SMYD3: variants seen among roughly 807,000 people sequenced by gnomAD.
SMYD3 encodes the protein histone-lysine N-methyltransferase SMYD3.
Under a neutral mutation model 57.7 loss-of-function variants are expected in SMYD3, and 36 were observed. That is an observed-to-expected ratio of 0.62 (90% CI 0.48 to 0.82). The LOEUF (loss-of-function observed/expected upper bound fraction) is 0.82. SMYD3 is among the 40% of genes least tolerant of loss of function. SMYD3 has a pLI of 0.00. For missense variants in SMYD3, 515 were observed against 538.8 expected, an observed-to-expected ratio of 0.96 and a Z score of 0.44; for synonymous variants, 211 against 195.0, an observed-to-expected ratio of 1.08 and a Z score of -0.68.
At chr1:246,167,149 G>A (rs1457344263) in intron 5 of SMYD3, among the ~76,000 whole-genome samples, 1 of 152,222 alleles carries the variant, frequency 6.6e-6, no homozygotes, top group Non-Finnish European at 1.5e-5. Context: ...ATACTCGATT[G>A]TATGGATAGA....
At chr1:246,391,875 C>T (rs1022252489) in intron 1 of SMYD3, among the ~76,000 whole-genome samples, 29 of 152,310 alleles carry the variant, frequency 1.9e-4, no homozygotes, top group African/African-American at 6.7e-4. Flanking sequence ...TCCTATAAAT[C>T]TCATCTTACC....
At chr1:246,127,907 A>AAAAGAAAAGC (rs1242406986) in intron 5 of SMYD3, among the ~76,000 whole-genome samples, 2 of 151,774 alleles carry the variant, frequency 1.3e-5, no homozygotes, top group African/African-American at 4.8e-5. Flanking sequence ...AAAAGAAAAG[A>AAAAGAAAAGC]AAAGAAAAGA....
At chr1:246,317,985 G>T (rs182020645) in intron 5 of SMYD3, among the ~76,000 whole-genome samples, 2 of 152,158 alleles carry the variant, frequency 1.3e-5, no homozygotes, top group Non-Finnish European at 2.9e-5. Context: ...GTCTCTATGA[G>T]TCAGAGCTAT....
chr1:245,903,469 A>G (rs1420453681), intron 8 of SMYD3, among the ~76,000 whole-genome samples: 3 of 152,194 alleles, frequency 2.0e-5, no homozygotes, highest in Non-Finnish European at 1.5e-5. Flanking sequence ...CCCCACAAGG[A>G]CACCAAGTTA....
chr1:246,126,778 A>C (rs1302580306), intron 5 of SMYD3, among the ~76,000 whole-genome samples: 2 of 152,242 alleles, frequency 1.3e-5, no homozygotes, highest in African/African-American at 4.8e-5. Context: ...AAGTAGGTCC[A>C]AACATCTGAT....
At chr1:246,480,795 C>CT (rs1044631219) in intron 1 of SMYD3, among the ~76,000 whole-genome samples, 28 of 149,568 alleles carry the variant, frequency 1.9e-4, no homozygotes, top group African/African-American at 4.7e-4. Context: ...TTCAAAAGAT[C>CT]TTTTTTTTTT....
intron 2 of SMYD3, among the ~76,000 whole-genome samples, chr1:246,352,320 C>T (rs55716893): frequency 4.6e-5 from 7 of 152,170 alleles, no homozygotes; most frequent in African/African-American, 1.7e-4. Context: ...ATCATGTCCC[C>T]CTGGGGTATA....
intron 1 of SMYD3, among the ~76,000 whole-genome samples, chr1:246,487,756 G>A (rs547932588): frequency 3.4e-5 from 5 of 149,064 alleles, no homozygotes; most frequent in Admixed American, 1.3e-4. Flanking sequence ...GTGCAATGAC[G>A]CGACCTCAGC....
chr1:246,354,979 T>G lies in SMYD3; in HGVS notation c.228+52A>C, dbSNP rs1434443624. ...CCAACAGGTATAGTGAAGGACAAAT[T>G]TAAGAGTAAAGAATTTGAAAGCTTC... On this transcript the variant is annotated intron_variant, in intron 2 of 11. Coordinates refer to ENST00000490107, the MANE Select transcript of SMYD3 (RefSeq NM_001167740.2). The G allele has an allele frequency of 1.9e-6, 3 of 1,545,132 alleles. No homozygotes were observed. In the African/African-American group the frequency reaches 4.1e-5, roughly 21 times the overall value.
At chr1:246,047,763 A>G (rs10802322) in intron 5 of SMYD3, among the ~76,000 whole-genome samples, 70,438 of 151,800 alleles carry the variant, frequency 0.46, 17,805 homozygotes, top group East Asian at 0.8. Context: ...CGCCTGAGTC[A>G]AGGGAGGTCA....
At chr1:246,255,428 G>A (rs1252113850) in intron 5 of SMYD3, among the ~76,000 whole-genome samples, 1 of 151,684 alleles carries the variant, frequency 6.6e-6, no homozygotes, top group Admixed American at 6.6e-5. Flanking sequence ...GCATCCATTG[G>A]GGATGATCAT....
At chr1:246,275,042 A>T (rs967894532) in intron 5 of SMYD3, among the ~76,000 whole-genome samples, 2 of 152,154 alleles carry the variant, frequency 1.3e-5, no homozygotes, top group African/African-American at 4.8e-5. Flanking sequence ...GAGAATTTTT[A>T]AAAATTATAT....
chr1:246,474,731 G>A (rs1418837550), intron 1 of SMYD3, among the ~76,000 whole-genome samples: 1 of 152,050 alleles, frequency 6.6e-6, no homozygotes. Flanking sequence ...GAAGGAAAAG[G>A]GGAGACAGGA....
At chr1:246,451,947 T>C (rs958604989) in intron 1 of SMYD3, among the ~76,000 whole-genome samples, 1 of 152,198 alleles carries the variant, frequency 6.6e-6, no homozygotes. Flanking sequence ...CTCACCTCCG[T>C]AGCACAACCG....
chr1:246,350,683 C>T (rs568511549), intron 2 of SMYD3, among the ~76,000 whole-genome samples: 9 of 152,012 alleles, frequency 5.9e-5, no homozygotes, highest in East Asian at 5.8e-4. Context: ...ACACCAGAGA[C>T]GCCTGTGCAA....
rs181267547 is a variant in SMYD3 at position 245,757,808 on chromosome 1, C to T, written c.1185+6233G>A. On this transcript the variant is annotated intron_variant, in intron 11 of 11. Transcript: ENST00000490107. The stretch of plus-strand genomic sequence containing the variant: ...TATGTCCATCTATTCCAGTATCACC[C>T]TGTTTTGACTACTGTAGCTTTCTCG... 6.6e-5 allele frequency among the ~76,000 whole-genome samples: 10 copies of T among 152,198 alleles called. No homozygotes were observed. In the East Asian group the frequency reaches 1.9e-3, roughly 29 times the overall value.
At chr1:246,272,847 T>C (rs2064247882) in intron 5 of SMYD3, among the ~76,000 whole-genome samples, 1 of 152,188 alleles carries the variant, frequency 6.6e-6, no homozygotes, top group African/African-American at 2.4e-5. Context: ...TTTGGAAAAG[T>C]TTGAGAAAGA....
chr1:245,997,143 G>A (rs1173268729), intron 5 of SMYD3, among the ~76,000 whole-genome samples: 2 of 152,220 alleles, frequency 1.3e-5, no homozygotes, highest in Non-Finnish European at 2.9e-5. Flanking sequence ...GGCCCTACAC[G>A]ACGGGACACT....
intron 5 of SMYD3, among the ~76,000 whole-genome samples, chr1:246,209,021 G>T (rs967162398): frequency 1.3e-5 from 2 of 152,070 alleles, no homozygotes; most frequent in African/African-American, 2.4e-5. Flanking sequence ...ATTTAAAAAT[G>T]GAATCAATTT....
Sources: allele counts gnomAD v4.1 joint callset (sites outside exome capture counted in the v4.1 genomes callset), GRCh38; gene constraint gnomAD v4.1.1; transcripts MANE v1.5; gene names NCBI Gene and HGNC (gene_info 2026-07-23, HGNC 2026-07-21).